UBE2R2: variants seen among roughly 807,000 people sequenced by gnomAD.
The protein encoded by UBE2R2 is ubiquitin conjugating enzyme E2 R2, also known as ubiquitin-conjugating enzyme E2 R2.
UBE2R2 carries 1 observed loss-of-function variant against 27.8 expected under a neutral mutation model. The ratio of observed to expected loss-of-function variants is 0.04; its 90% CI spans 0.01 to 0.17. UBE2R2 has a LOEUF of 0.17. Among genes scored for constraint, UBE2R2 ranks in the 10% least tolerant of loss-of-function variants. UBE2R2 has a pLI of 1.00. For synonymous variants in UBE2R2, 106 were observed against 113.3 expected (o/e 0.94, Z 0.41); for missense variants, 100 against 291.0 (o/e 0.34, Z 4.78).
intron 1 of UBE2R2, among the ~76,000 whole-genome samples, chr9:33,826,024 T>A (rs10971716): frequency 0.19 from 28,281 of 151,892 alleles, 3,384 homozygotes; most frequent in East Asian, 0.55. Flanking sequence ...GCGCCTGTAG[T>A]CCCAGCTACT....
chr9:33,885,204 C>T (rs1199276363), intron 1 of UBE2R2, among the ~76,000 whole-genome samples: 1 of 152,176 alleles, frequency 6.6e-6, no homozygotes, highest in Non-Finnish European at 1.5e-5. Context: ...CTTCTTAGGG[C>T]TTTCCTGAGC....
chr9:33,904,861 AG>A (rs1175111204), intron 3 of UBE2R2, among the ~76,000 whole-genome samples: 2 of 152,298 alleles, frequency 1.3e-5, no homozygotes, highest in East Asian at 3.9e-4. Flanking sequence ...AGTTTTAAGG[AG>A]TAGGCATTTG....
At chr9:33,832,366 A>G (rs115129516) in intron 1 of UBE2R2, among the ~76,000 whole-genome samples, 2,479 of 149,736 alleles carry the variant, frequency 0.017, 54 homozygotes, top group African/African-American at 0.057. Context: ...ACTTTAATCA[A>G]ATTTTTTCGG....
At chr9:33,903,488 T>G (rs2130812889) in intron 3 of UBE2R2, among the ~76,000 whole-genome samples, 1 of 152,354 alleles carries the variant, frequency 6.6e-6, no homozygotes. Context: ...CCTCATTGCA[T>G]TTTTATGCTG....
At chr9:33,890,472 C>T (rs1463929327) in intron 2 of UBE2R2, among the ~76,000 whole-genome samples, 1 of 151,952 alleles carries the variant, frequency 6.6e-6, no homozygotes, top group African/African-American at 2.4e-5. Flanking sequence ...CAGGATAAGG[C>T]AGGAGAATCG....
chr9:33,897,464 C>T (rs1465285649), intron 2 of UBE2R2, among the ~76,000 whole-genome samples: 27 of 147,636 alleles, frequency 1.8e-4, no homozygotes, highest in Non-Finnish European at 3.4e-4. Flanking sequence ...ATTACAGGTG[C>T]GTGCCACCAC....
At chr9:33,875,807 C>T (rs917019015) in intron 1 of UBE2R2, among the ~76,000 whole-genome samples, 8 of 152,248 alleles carry the variant, frequency 5.3e-5, no homozygotes, top group Middle Eastern at 3.4e-3. Context: ...AAGAATCATG[C>T]CAGGGCTACA....
intron 1 of UBE2R2, among the ~76,000 whole-genome samples, chr9:33,881,496 T>C (rs1821731652): frequency 6.6e-6 from 1 of 152,210 alleles, no homozygotes; most frequent in Non-Finnish European, 1.5e-5. Context: ...CATCATCTTA[T>C]TTCAGAGTCC....
chr9:33,842,293 C>T (rs999004680), intron 1 of UBE2R2, among the ~76,000 whole-genome samples: 4 of 152,064 alleles, frequency 2.6e-5, no homozygotes, highest in East Asian at 3.8e-4. Flanking sequence ...CCCAGATACG[C>T]GGAAGGCTGA....
intron 1 of UBE2R2, among the ~76,000 whole-genome samples, chr9:33,830,649 TC>T (rs1396656521): frequency 6.6e-6 from 1 of 151,050 alleles, no homozygotes; most frequent in African/African-American, 2.4e-5. Flanking sequence ...GCGCCTCTCA[TC>T]CCAGCCACTT....
At chr9:33,877,997 T>A (rs976468020) in intron 1 of UBE2R2, among the ~76,000 whole-genome samples, 2 of 152,080 alleles carry the variant, frequency 1.3e-5, no homozygotes, top group Admixed American at 6.5e-5. Context: ...CCTCAGGTGA[T>A]CCGCCCACCT....
intron 1 of UBE2R2, among the ~76,000 whole-genome samples, chr9:33,882,179 CATT>C (rs1652945941): frequency 6.6e-6 from 1 of 152,154 alleles, no homozygotes; most frequent in African/African-American, 2.4e-5. Flanking sequence ...TACTTTTTGG[CATT>C]ATAAGATGCT....
At chr9:33,898,334 C>G (rs1049876089) in intron 2 of UBE2R2, among the ~76,000 whole-genome samples, 1 of 152,150 alleles carries the variant, frequency 6.6e-6, no homozygotes, top group Non-Finnish European at 1.5e-5. Flanking sequence ...CCTGCCTCAG[C>G]CTCCCAAAGT....
chr9:33,865,645 G>A (rs1427682418), intron 1 of UBE2R2, among the ~76,000 whole-genome samples: 1 of 152,032 alleles, frequency 6.6e-6, no homozygotes, highest in Non-Finnish European at 1.5e-5. Context: ...ATTTCCAGTA[G>A]TTATAGTTTT....
intron 1 of UBE2R2, among the ~76,000 whole-genome samples, chr9:33,877,799 C>CTCTGTCTGTCTG (rs546643488): frequency 8.2e-4 from 119 of 145,178 alleles, no homozygotes; most frequent in African/African-American, 2.9e-3. Context: ...TTTTGCCCCT[C>CTCTGTCTGTCTG]TCTGTCTGTC....
At chr9:33,819,153 G>T (rs1314072978) in intron 1 of UBE2R2, among the ~76,000 whole-genome samples, 1 of 152,148 alleles carries the variant, frequency 6.6e-6, no homozygotes. Flanking sequence ...AGGCCAGTGA[G>T]TCAATTTTAG....
At chr9:33,824,878 T>C (rs1226122517) in intron 1 of UBE2R2, among the ~76,000 whole-genome samples, 1 of 151,944 alleles carries the variant, frequency 6.6e-6, no homozygotes, top group Non-Finnish European at 1.5e-5. Context: ...ACTTATAACC[T>C]AGTTGTGAGA....
chr9:33,887,736 A>G (rs754796749), intron 2 of UBE2R2, among the ~76,000 whole-genome samples: 12 of 152,072 alleles, frequency 7.9e-5, no homozygotes, highest in Non-Finnish European at 1.3e-4. Context: ...CAGTGGCGCA[A>G]TCTCGCTCAC....
At chr9:33,853,816 T>A in intron 1 of UBE2R2, among the ~76,000 whole-genome samples, 1 of 145,782 alleles carries the variant, frequency 6.9e-6, no homozygotes, top group Non-Finnish European at 1.5e-5. Context: ...TCTCTCTCTG[T>A]CACCCAGCTG....
Sources: allele counts gnomAD v4.1 joint callset (sites outside exome capture counted in the v4.1 genomes callset), GRCh38; gene constraint gnomAD v4.1.1; transcripts MANE v1.5; gene names NCBI Gene and HGNC (gene_info 2026-07-23, HGNC 2026-07-21).